PNPLA7: variants seen among roughly 807,000 people sequenced by gnomAD.
PNPLA7 encodes the protein patatin like domain 7, lysophospholipase.
In PNPLA7, 153 loss-of-function variants were observed where a neutral mutation model predicts 161.7. The observed-to-expected ratio is 0.95, with a 90% confidence interval of 0.83 to 1.08. The LOEUF is 1.08. PNPLA7 is among the 50% of genes least tolerant of loss of function. PNPLA7 has a pLI of 0.00. For synonymous variants in PNPLA7, 809 were observed against 782.1 expected (o/e 1.03, Z -0.57); for missense variants, 1,739 against 1,856.6 (o/e 0.94, Z 1.16).
chr9:137,529,921 A>G (rs552763948), intron 8 of PNPLA7, among the ~76,000 whole-genome samples: 17 of 151,754 alleles, frequency 1.1e-4, no homozygotes, highest in African/African-American at 3.4e-4. Flanking sequence ...AGCCTCCCAA[A>G]GTGCTGGGAT....
chr9:137,537,516 C>T lies in PNPLA7; in HGVS notation c.747+3126G>A, dbSNP rs1835956949. ...TATTTTTAGTAGGGATGGGTTTCAC[C>T]ATGTTGGCCAGGATGGTCTCGATCT... On this transcript the variant is annotated intron_variant, in intron 8 of 34. Coordinates refer to ENST00000406427, the MANE Select transcript of PNPLA7 (RefSeq NM_001098537.3). The surrounding 1 kb of genome is among the most constrained non-coding windows in gnomAD (Gnocchi z 4.5). 6.6e-6 allele frequency among the ~76,000 whole-genome samples: 1 copy of T among 152,134 alleles called. No homozygotes were observed. Among genetic ancestry groups the T allele is most frequent in the South Asian group, 2.1e-4 (1 of 4,830 alleles).
At position 137,526,340 on chromosome 9, in the gene PNPLA7, C is replaced by T. The variant is rs542768086; in HGVS notation, c.748-3483G>A. ...AGTCTCACTTTGGAGTGCAATGGCG[C>T]GATCTCAGCTCACTACAAGCTCCGC... On this transcript the variant is annotated intron_variant, in intron 8 of 34. Coordinates refer to ENST00000406427, the MANE Select transcript of PNPLA7 (RefSeq NM_001098537.3). Among the ~76,000 whole-genome samples the T allele has an allele frequency of 4.6e-5, 7 of 152,222 alleles. No individual in the cohort carries two copies. The South Asian group carries it at 1.0e-3, about 23-fold the overall frequency.
Position 137,476,813 on chromosome 9 carries a change from G to T in PNPLA7, c.2882+1221C>A, listed in dbSNP as rs950900802. ...CCTGTCCCCAGCCTGGCAACCTCAG[G>T]CAAGCCATTGAACTGCTGTAGGCCA... On this transcript the variant is annotated intron_variant, in intron 25 of 34. Transcript: ENST00000406427. The surrounding 1 kb of genome is among the most constrained non-coding windows in gnomAD (Gnocchi z 4.5). 3.9e-5 allele frequency among the ~76,000 whole-genome samples: 6 copies of T among 152,212 alleles called. No homozygotes were observed. The highest frequency in any genetic ancestry group is 8.8e-5 in the Non-Finnish European group (6 of 68,032).
At chr9:137,504,413 T>C (rs960357693) in intron 14 of PNPLA7, among the ~76,000 whole-genome samples, 2 of 152,200 alleles carry the variant, frequency 1.3e-5, no homozygotes, top group Non-Finnish European at 2.9e-5. Context: ...AGTTTCACCA[T>C]GTTGGTCAGG....
In PNPLA7 at chr9:137,547,378, C is replaced by T; in HGVS notation, c.124G>A (p.Gly42Arg). ...ACCAAGGCCAGGGCCAGGAGGGCTC[C>T]AACTGCAATCCCCGTCAGCTGGCCG... ...PSTMLTGIAV[G>R]ALLALALVGV... Residue 42 changes from glycine (G) to arginine (R), a missense_variant, in exon 3 of 35, where the codon GGA (glycine) becomes AGA (arginine). Coordinates refer to ENST00000406427, the MANE Select transcript of PNPLA7 (RefSeq NM_001098537.3). The surrounding 1 kb of genome is among the most constrained non-coding windows in gnomAD (Gnocchi z 4.6). 2 of 1,613,538 alleles carry T rather than the reference C, an allele frequency of 1.2e-6. No individual in the cohort carries two copies. Among genetic ancestry groups the T allele is most frequent in the Non-Finnish European group, 8.5e-7 (1 of 1,179,992 alleles).
chr9:137,464,344 A>G lies in PNPLA7; in HGVS notation c.3152T>C (p.Ile1051Thr), dbSNP rs1226926760. Residue 1051 changes from isoleucine (I) to threonine (T), a missense_variant, in exon 27 of 35, where the codon ATC becomes ACC. By Grantham distance (89) the Ile-to-Thr change is moderately conservative. Coordinates refer to ENST00000406427, the MANE Select transcript of PNPLA7 (RefSeq NM_001098537.3). The stretch of plus-strand genomic sequence containing the variant: ...CTCCTGAGGGTGGGGGTGCACCTCG[A>G]TCTGCTGGTCCTTGAAGACGCTGAA... ...SIFSVFKDQQ[I>T]EDLWIPYFAI... The G allele has an allele frequency of 2.5e-6, 4 of 1,613,226 alleles. No individual in the cohort carries two copies. Among genetic ancestry groups the G allele is most frequent in the Non-Finnish European group, 3.4e-6 (4 of 1,179,706 alleles).
chr9:137,487,993 G>A (rs1186744306), intron 20 of PNPLA7, among the ~76,000 whole-genome samples: 1 of 152,268 alleles, frequency 6.6e-6, no homozygotes, highest in African/African-American at 2.4e-5. Flanking sequence ...TCTAGGCGCT[G>A]AGTGGAAGGC....
At position 137,521,768 on chromosome 9, in the gene PNPLA7, G is replaced by A; in HGVS notation, c.877-52C>T. On this transcript the variant is annotated intron_variant, in intron 9 of 34. Transcript: ENST00000406427. ...GACCACCGGCCTGGGGTACAGGGCGGGCCCCCGGCAGCACCACACAGAGCA... is the reference window on the plus strand; with the variant it reads ...GACCACCGGCCTGGGGTACAGGGCGAGCCCCCGGCAGCACCACACAGAGCA... The A allele has an allele frequency of 2.6e-6, 4 of 1,532,580 alleles. No homozygotes were observed. In the South Asian group the frequency reaches 4.5e-5, roughly 17 times the overall value. The allele number at this position is 1,532,580 out of a possible 1,614,324, so 94.9% of individuals were successfully genotyped here. A position where few individuals can be genotyped will look rare whatever the true frequency, so the allele number is the denominator to read the frequency against.
intron 20 of PNPLA7, 56 bp downstream of exon 20, chr9:137,492,957 G>A (rs1832852588): frequency 2.2e-6 from 3 of 1,383,620 alleles, no homozygotes; most frequent in Admixed American, 1.8e-5. Context: ...GGTGGGCGGG[G>A]CTCCAGGACT....
At position 137,520,631 on chromosome 9, in the gene PNPLA7, A is replaced by C. The variant is rs561019055; in HGVS notation, c.958-588T>G. 1.3e-5 allele frequency among the ~76,000 whole-genome samples: 2 copies of C among 152,276 alleles called. No homozygotes were observed. Among genetic ancestry groups the C allele is most frequent in the South Asian group, 4.1e-4 (2 of 4,828 alleles). On this transcript the variant is annotated intron_variant, in intron 10 of 34. Transcript: ENST00000406427. This position sits in a 1 kb window ranked among gnomAD's most constrained non-coding sequence, Gnocchi z 5.2. ...AAGAGAGCCCTCCGCATATCAGGCT[A>C]CTGTTTTGGGCAGTGGGGATGGAGC...
intron 20 of PNPLA7, chr9:137,491,927 G>A (rs1832782150): frequency 1.0e-6 from 1 of 985,482 alleles, no homozygotes; most frequent in Non-Finnish European, 1.2e-6. Context: ...AGGCCAGGGA[G>A]GCTGTGCTGA....
At chr9:137,544,839 A>C (rs569004297) in intron 4 of PNPLA7, among the ~76,000 whole-genome samples, 6 of 152,068 alleles carry the variant, frequency 3.9e-5, no homozygotes, top group South Asian at 2.1e-4. Context: ...TAGTAGAGAC[A>C]GGGTTTCGCC....
intron 4 of PNPLA7, among the ~76,000 whole-genome samples, chr9:137,544,794 C>A (rs913352612): frequency 6.6e-6 from 1 of 151,940 alleles, no homozygotes; most frequent in Non-Finnish European, 1.5e-5. Context: ...GGATTACAGG[C>A]GCCCGCCACA....
chr9:137,464,842 G>T, intron 26 of PNPLA7: 1 of 245,198 alleles, frequency 4.1e-6, no homozygotes, highest in Non-Finnish European at 8.1e-6. Context: ...GCGGGCTGCT[G>T]GGCACATGAG....
At chr9:137,534,601 C>T (rs1254945802) in intron 8 of PNPLA7, among the ~76,000 whole-genome samples, 1 of 152,250 alleles carries the variant, frequency 6.6e-6, no homozygotes, top group Non-Finnish European at 1.5e-5. Context: ...GACCTGTAGA[C>T]TCCCAAACCA....
chr9:137,510,962 G>A (rs1834192341), intron 12 of PNPLA7, among the ~76,000 whole-genome samples: 1 of 152,250 alleles, frequency 6.6e-6, no homozygotes, highest in South Asian at 2.1e-4. Context: ...TTAGTTTTCT[G>A]TATTAACCTT....
chr9:137,479,585 C>T (rs1283041659), intron 23 of PNPLA7: 1 of 985,340 alleles, frequency 1.0e-6, no homozygotes, highest in Non-Finnish European at 1.2e-6. Context: ...AGAACAGGAA[C>T]ATACATCAGA....
chr9:137,472,650 C>CAA lies in PNPLA7; in HGVS notation c.2883-5179_2883-5178dup, dbSNP rs71387839. ...TGGGTGACAGAATGAGACTCCATCT[C>CAA]AAAAAAAAAAAAAAAAAAGATTTAG... is the stretch of plus-strand genomic sequence containing the variant. On this transcript the variant is annotated intron_variant, in intron 25 of 34. Transcript: ENST00000406427. 4.7e-3 allele frequency among the ~76,000 whole-genome samples: 389 copies of CAA among 82,148 alleles called. 3 individuals carry two copies. The highest frequency in any genetic ancestry group is 0.016 in the South Asian group (34 of 2,172). 53.9% of individuals were successfully genotyped at this position (82,148 alleles called of 152,430 possible).
intron 21 of PNPLA7, 83 bp from the exon 22 acceptor site, chr9:137,481,106 C>T: frequency 6.9e-7 from 1 of 1,455,046 alleles, no homozygotes; most frequent in Non-Finnish European, 9.4e-7. Flanking sequence ...CAGCAAGGTA[C>T]CGACGCCGAG....
Sources: gnomAD v4.1 joint callset for allele counts (sites outside exome capture counted in the v4.1 genomes callset) on GRCh38, gnomAD v4.1.1 for gene constraint, Gnocchi (gnomAD v3.1) non-coding constraint, MANE v1.5 for transcripts, NCBI Gene and HGNC (gene_info 2026-07-23, HGNC 2026-07-21) for gene names.